Variants in TET1 observed in about 807,000 individuals in gnomAD.
The protein encoded by TET1 is tet methylcytosine dioxygenase 1, also known as methylcytosine dioxygenase TET1.
In TET1, 13 loss-of-function variants were observed where a neutral mutation model predicts 148.7. The observed-to-expected ratio is 0.09, with a 90% CI of 0.06 to 0.14. TET1 has a LOEUF of 0.14. TET1 is among the 10% of genes least tolerant of loss of function. The pLI, the probability that TET1 is intolerant of heterozygous loss-of-function variation, is 1.00. For missense variants in TET1, 2,182 were observed against 2,553.8 expected (o/e 0.85, Z 3.14); for synonymous variants, 907 against 937.2 (o/e 0.97, Z 0.59).
chr10:68,561,329 G>A (rs1648817934), intron 1 of TET1, among the ~76,000 whole-genome samples: 1 of 152,170 alleles, frequency 6.6e-6, no homozygotes, highest in Admixed American at 6.5e-5. Context: ...GTTTTGGGAC[G>A]GCAGCTCCAG....
rs1423697243 is a variant in TET1 at position 68,692,677 on chromosome 10, A to T, written c.*863A>T. The T allele has an allele frequency of 1.3e-5, 3 of 231,400 alleles. No individual in the cohort carries two copies. The highest frequency in any genetic ancestry group is 2.2e-5 in the African/African-American group (1 of 45,272). The allele number at this position is 231,400 out of a possible 1,614,324, so 14.3% of individuals were successfully genotyped here. ...GTTAGATAATGAGAAGTTGTTAATT[A>T]TCTCTAAAATTGGAATTAGGAAGCA... On this transcript the variant is annotated 3_prime_UTR_variant, in exon 12 of 12. Transcript: ENST00000373644.
At chr10:68,575,702 CAAAT>C (rs34948432) in intron 2 of TET1, among the ~76,000 whole-genome samples, 53,998 of 140,406 alleles carry the variant, frequency 0.38, 11,065 homozygotes, top group East Asian at 0.53. Flanking sequence ...AACTCCATCT[CAAAT>C]AAATAAATAA....
intron 3 of TET1, among the ~76,000 whole-genome samples, chr10:68,635,884 CA>C (rs1430300316): frequency 6.6e-6 from 1 of 152,048 alleles, no homozygotes; most frequent in Non-Finnish European, 1.5e-5. Context: ...GTAGGCTCAT[CA>C]AGGGGCCAAG....
At chr10:68,686,761 T>C in intron 11 of TET1, 54 bp downstream of exon 11, 2 of 1,491,636 alleles carry the variant, frequency 1.3e-6, no homozygotes, top group Admixed American at 2.1e-5. Context: ...ATAGATGTGT[T>C]TGGACTTTGC....
At chr10:68,620,683 C>T (rs1325242548) in intron 3 of TET1, among the ~76,000 whole-genome samples, 1 of 151,730 alleles carries the variant, frequency 6.6e-6, no homozygotes, top group East Asian at 1.9e-4. Flanking sequence ...TTCTTGGGTA[C>T]ATACCAAGAA....
chr10:68,596,048 AT>A (rs1401331818), intron 2 of TET1, among the ~76,000 whole-genome samples: 23 of 129,742 alleles, frequency 1.8e-4, no homozygotes, highest in African/African-American at 4.4e-4. Flanking sequence ...ATATATACAC[AT>A]TTTTTTTTTG....
At chr10:68,575,034 A>G (rs1201239125) in intron 2 of TET1, among the ~76,000 whole-genome samples, 1 of 152,246 alleles carries the variant, frequency 6.6e-6, no homozygotes, top group African/African-American at 2.4e-5. Flanking sequence ...ATCACGCATT[A>G]AAGTTATGTT....
chr10:68,595,551 G>A (rs901514713), intron 2 of TET1, among the ~76,000 whole-genome samples: 1 of 149,548 alleles, frequency 6.7e-6, no homozygotes. Flanking sequence ...AAGAGAAGTG[G>A]AGTTTTGGAA....
rs201991481 is a variant in TET1, at chr10:68,636,979, CGTT to C, written c.1969-7716_1969-7714del. ...GACTTTTGTTTTCTATTATTTTACT[CGTT>C]GTGTGTGTGTGTGTGTGTGTGTGTG... is the stretch of plus-strand genomic sequence containing the variant. On this transcript the variant is annotated intron_variant, in intron 3 of 11. Coordinates refer to ENST00000373644, the MANE Select transcript of TET1 (RefSeq NM_030625.3). Among the ~76,000 whole-genome samples the C allele has an allele frequency of 6.8e-3, 786 of 115,078 alleles. 4 individuals carry two copies. The highest frequency in any genetic ancestry group is 0.034 in the Middle Eastern group (8 of 232). The allele number at this position is 115,078 out of a possible 152,430, so 75.5% of individuals were successfully genotyped here.
chr10:68,647,117 TCTAA>T, intron 4 of TET1, 112 bp downstream of exon 4: 4 of 1,183,062 alleles, frequency 3.4e-6, no homozygotes, highest in Non-Finnish European at 4.7e-6. Flanking sequence ...CCATTCTTAT[TCTAA>T]CTAAGATGGA....
intron 6 of TET1, 57 bp from the exon 7 acceptor site, chr10:68,666,988 T>C: frequency 7.1e-7 from 1 of 1,417,164 alleles, no homozygotes; most frequent in Non-Finnish European, 9.8e-7. Context: ...GGAATATCCA[T>C]TGCATTCAAA....
intron 3 of TET1, among the ~76,000 whole-genome samples, chr10:68,615,049 C>T (rs1217073344): frequency 6.6e-6 from 1 of 151,952 alleles, no homozygotes; most frequent in Non-Finnish European, 1.5e-5. Context: ...ATTCTTTTGC[C>T]TCAGCCTCCT....
In TET1 at chr10:68,630,169, ACT is replaced by A. The variant is rs1474733810; in HGVS notation, c.1969-14526_1969-14525del. 3.7e-4 allele frequency among the ~76,000 whole-genome samples: 56 copies of A among 152,170 alleles called. 1 individual carries two copies. Among genetic ancestry groups the A allele is most frequent in the African/African-American group, 1.3e-3 (54 of 41,508 alleles). ...GATGGAAGAGGTGCTAAGTAGATCG[ACT>A]CTGCTGAACTTGGTGGCTGAATTTG... On this transcript the variant is annotated intron_variant, in intron 3 of 11. Transcript: ENST00000373644.
intron 6 of TET1, among the ~76,000 whole-genome samples, chr10:68,664,022 G>A (rs2055159069): frequency 6.6e-6 from 1 of 150,722 alleles, no homozygotes; most frequent in African/African-American, 2.4e-5. Context: ...TTTTTGAGAT[G>A]GAGTCTTGCT....
rs34260111 is a variant in TET1 at position 68,637,518 on chromosome 10, C to CTTTT, written c.1969-7162_1969-7159dup. ...GGTGGGTAGCCAGTTGTTTCCTATTCTTTTTTTTTTTTTTTTTTTTTAAGA... is the reference window on the plus strand; with the variant it reads ...GGTGGGTAGCCAGTTGTTTCCTATTCTTTTTTTTTTTTTTTTTTTTTTTTTAAGA... On this transcript the variant is annotated intron_variant, in intron 3 of 11. Transcript: ENST00000373644. Among the ~76,000 whole-genome samples the CTTTT allele has an allele frequency of 4.1e-3, 435 of 106,324 alleles. 10 individuals are homozygous for CTTTT. The highest frequency in any genetic ancestry group is 0.013 in the African/African-American group (357 of 27,716). 69.8% of individuals were successfully genotyped at this position (106,324 alleles called of 152,430 possible).
At chr10:68,619,170 T>C (rs1259573246) in intron 3 of TET1, among the ~76,000 whole-genome samples, 1 of 152,178 alleles carries the variant, frequency 6.6e-6, no homozygotes, top group Non-Finnish European at 1.5e-5. Flanking sequence ...GTATAGTCTA[T>C]ATACATACAA....
chr10:68,566,789 A>T (rs61869324), intron 1 of TET1, among the ~76,000 whole-genome samples: 1 of 151,220 alleles, frequency 6.6e-6, no homozygotes, highest in Non-Finnish European at 1.5e-5. Flanking sequence ...TGGTTCCATA[A>T]TAATGATAAC....
intron 8 of TET1, chr10:68,674,621 G>C: frequency 2.1e-6 from 1 of 480,142 alleles, no homozygotes; most frequent in East Asian, 4.9e-5. Context: ...CTTCCATGGC[G>C]TGGATCTTAC....
chr10:68,669,646 G>A (rs566318874), intron 7 of TET1, among the ~76,000 whole-genome samples: 97 of 150,990 alleles, frequency 6.4e-4, no homozygotes, highest in African/African-American at 2.3e-3. Flanking sequence ...GAGCCACCAC[G>A]TCCAGCCCAG....
Sources: gnomAD v4.1 joint callset for allele counts (sites outside exome capture counted in the v4.1 genomes callset) on GRCh38, gnomAD v4.1.1 for gene constraint, MANE v1.5 for transcripts, NCBI Gene and HGNC (gene_info 2026-07-23, HGNC 2026-07-21) for gene names.